FAR1: variants seen among roughly 807,000 people sequenced by gnomAD.
FAR1 encodes the protein fatty acyl-CoA reductase 1.
FAR1 carries 22 observed loss-of-function variants against 61.1 expected under a neutral mutation model. The observed-to-expected ratio is 0.36, with a 90% CI of 0.26 to 0.51. The LOEUF (loss-of-function observed/expected upper bound fraction) is 0.51, where lower values mean the gene tolerates loss of function less well. Ranked by LOEUF, FAR1 falls within the 20% of genes least tolerant of loss-of-function variation. The probability of loss-of-function intolerance (pLI) is 0.95; values close to 1 mark genes in which losing one functional copy is unlikely to be tolerated. For missense variants in FAR1, 359 were observed against 626.9 expected (o/e 0.57, Z 4.56); for synonymous variants, 206 against 209.7 (o/e 0.98, Z 0.15).
At chr11:13,674,765 T>C (rs966784365) in intron 1 of FAR1, among the ~76,000 whole-genome samples, 17 of 152,204 alleles carry the variant, frequency 1.1e-4, no homozygotes, top group African/African-American at 3.9e-4. Context: ...GTCAAAAAGA[T>C]GTTGAAGTTT....
chr11:13,702,651 C>T (rs1848389264), intron 3 of FAR1, among the ~76,000 whole-genome samples: 1 of 152,084 alleles, frequency 6.6e-6, no homozygotes, highest in Non-Finnish European at 1.5e-5. Context: ...TTATTTCCTT[C>T]ATAGACAAAA....
At chr11:13,716,441 G>T (rs559289000) in intron 9 of FAR1, among the ~76,000 whole-genome samples, 185 of 152,244 alleles carry the variant, frequency 1.2e-3, no homozygotes, top group Middle Eastern at 6.8e-3. Flanking sequence ...GGCAGTTTTG[G>T]CTTGGAGTCT....
intron 1 of FAR1, among the ~76,000 whole-genome samples, chr11:13,680,597 G>A (rs1294204719): frequency 3.9e-5 from 6 of 152,156 alleles, no homozygotes; most frequent in Non-Finnish European, 7.4e-5. Flanking sequence ...AGGGGAGCAG[G>A]CATCACACAG....
At chr11:13,677,363 G>A (rs1016475840) in intron 1 of FAR1, among the ~76,000 whole-genome samples, 1 of 152,140 alleles carries the variant, frequency 6.6e-6, no homozygotes, top group African/African-American at 2.4e-5. Context: ...ACCTTTCTAG[G>A]ATGATCTTTG....
rs557187953 is a variant in FAR1 at position 13,685,030 on chromosome 11, ATC to A, written c.-7-9723_-7-9722del. 1.4e-3 allele frequency among the ~76,000 whole-genome samples: 213 copies of A among 152,132 alleles called. 1 individual carries two copies. Among genetic ancestry groups the A allele is most frequent in the Non-Finnish European group, 2.3e-3 (154 of 68,018 alleles). ...CAATAAAAGATTCTATCTAGGTAAG[ATC>A]TCTCTGTGGATCAGGTAGGGTGGAG... On this transcript the variant is annotated intron_variant, in intron 1 of 11. Transcript: ENST00000354817.
chr11:13,704,992 T>G (rs989122379), intron 3 of FAR1, among the ~76,000 whole-genome samples: 2 of 152,146 alleles, frequency 1.3e-5, no homozygotes, highest in Non-Finnish European at 2.9e-5. Context: ...CAACATAGAT[T>G]TCTTTGAAAA....
At chr11:13,686,108 T>A (rs1334217256) in intron 1 of FAR1, among the ~76,000 whole-genome samples, 1 of 152,200 alleles carries the variant, frequency 6.6e-6, no homozygotes, top group Non-Finnish European at 1.5e-5. Flanking sequence ...GTTAGAAGAT[T>A]TGGTTCCAAT....
At chr11:13,690,960 AAAT>A (rs1175306290) in intron 1 of FAR1, among the ~76,000 whole-genome samples, 3 of 152,228 alleles carry the variant, frequency 2.0e-5, no homozygotes, top group African/African-American at 7.2e-5. Flanking sequence ...GTTTTTTAAA[AAAT>A]AATTTATTGA....
At chr11:13,724,033 AT>A (rs1848642814) in intron 10 of FAR1, among the ~76,000 whole-genome samples, 1 of 152,034 alleles carries the variant, frequency 6.6e-6, no homozygotes, top group African/African-American at 2.4e-5. Context: ...ATGGCACCTA[AT>A]TTTTTTAAAA....
At chr11:13,672,585 G>A (rs974569353) in intron 1 of FAR1, among the ~76,000 whole-genome samples, 2 of 151,794 alleles carry the variant, frequency 1.3e-5, no homozygotes, top group Non-Finnish European at 2.9e-5. Flanking sequence ...TATAATTAGT[G>A]GGGACAAGCA....
intron 10 of FAR1, chr11:13,723,462 T>C (rs1848636074): frequency 2.6e-6 from 1 of 384,986 alleles, no homozygotes; most frequent in Non-Finnish European, 5.0e-6. Context: ...TCTTCCTTTA[T>C]AGGTGATATG....
intron 1 of FAR1, among the ~76,000 whole-genome samples, chr11:13,672,855 T>C (rs1848024960): frequency 6.6e-6 from 1 of 152,210 alleles, no homozygotes; most frequent in South Asian, 2.1e-4. Flanking sequence ...TCCTGAACAC[T>C]TGTTTTCTTA....
intron 1 of FAR1, among the ~76,000 whole-genome samples, chr11:13,678,588 G>C (rs1026129342): frequency 2.0e-5 from 3 of 152,166 alleles, no homozygotes; most frequent in African/African-American, 2.4e-5. Flanking sequence ...TAGTCCATCA[G>C]GAGGCTTGGC....
At chr11:13,677,715 A>T (rs1848083630) in intron 1 of FAR1, among the ~76,000 whole-genome samples, 1 of 152,222 alleles carries the variant, frequency 6.6e-6, no homozygotes, top group Non-Finnish European at 1.5e-5. Context: ...TTTTAGTCCT[A>T]GCCTTTTGGC....
Position 13,727,552 on chromosome 11 carries a change from G to T in FAR1, c.1258-4G>T. On this transcript the variant is annotated splice_polypyrimidine_tract_variant and splice_region_variant and intron_variant, in intron 10 of 11. Transcript: ENST00000354817. ...AATAATCAGTAATTTTTTTGTTAACGTAGACCTTCAATATTGATGTACGGC... is the reference window on the plus strand; with the variant it reads ...AATAATCAGTAATTTTTTTGTTAACTTAGACCTTCAATATTGATGTACGGC... 1 of 1,588,388 alleles carries T rather than the reference G, an allele frequency of 6.3e-7. No homozygotes were observed. The highest frequency in any genetic ancestry group is 8.6e-7 in the Non-Finnish European group (1 of 1,169,436).
In FAR1 at chr11:13,727,647, T is replaced by A; in HGVS notation, c.1349T>A (p.Met450Lys). Residue 450 changes from methionine (M) to lysine (K), a missense_variant, in exon 11 of 12, where the codon ATG becomes AAG. Transcript: ENST00000354817. Reference protein sequence around the residue: ...GTKKYVLNEEMSGLPAARKHL... With the variant: ...GTKKYVLNEEKSGLPAARKHL... ...AAGAAGTACGTATTGAATGAAGAAA[T>A]GTCTGGCCTCCCTGCAGCCAGAAAA... The A allele has an allele frequency of 6.2e-7, 1 of 1,610,106 alleles. No individual in the cohort carries two copies. The highest frequency in any genetic ancestry group is 1.1e-5 in the South Asian group (1 of 90,738).
intron 1 of FAR1, chr11:13,686,727 T>G (rs1312802578): frequency 6.6e-6 from 1 of 151,864 alleles, no homozygotes; most frequent in Admixed American, 6.6e-5. Flanking sequence ...TAAAAAAAAC[T>G]CTTTTAAAAA....
intron 3 of FAR1, among the ~76,000 whole-genome samples, chr11:13,707,681 T>C (rs113368190): frequency 5.9e-5 from 9 of 152,200 alleles, no homozygotes; most frequent in African/African-American, 1.7e-4. Context: ...CTTTAATTTT[T>C]AAGGGCTACA....
At chr11:13,708,663 G>A (rs2134190160) in intron 4 of FAR1, among the ~76,000 whole-genome samples, 1 of 152,074 alleles carries the variant, frequency 6.6e-6, no homozygotes, top group East Asian at 1.9e-4. Flanking sequence ...CTTTTTCAGG[G>A]AATCAATCTT....
Sources: allele counts gnomAD v4.1 joint callset (sites outside exome capture counted in the v4.1 genomes callset), GRCh38; gene constraint gnomAD v4.1.1; transcripts MANE v1.5; gene names NCBI Gene and HGNC (gene_info 2026-07-23, HGNC 2026-07-21).